Variants in TRAF7 observed in about 807,000 individuals in gnomAD.
TRAF7 encodes TNF receptor associated factor 7.
In TRAF7, 45 loss-of-function variants were observed where a neutral mutation model predicts 89.3. The ratio of observed to expected loss-of-function variants is 0.50; its 90% CI spans 0.40 to 0.65. TRAF7 has a LOEUF of 0.65. TRAF7 is among the 30% of genes least tolerant of loss of function. The pLI, the probability that TRAF7 is intolerant of heterozygous loss-of-function variation, is 0.00. For synonymous variants in TRAF7, 406 were observed against 369.2 expected (o/e 1.10, Z -1.14); for missense variants, 677 against 918.1 (o/e 0.74, Z 3.39).
At chr16:2,167,087 C>T (rs1250020416) in intron 3 of TRAF7, among the ~76,000 whole-genome samples, 2 of 152,152 alleles carry the variant, frequency 1.3e-5, no homozygotes, top group African/African-American at 4.8e-5. Context: ...CTCCAGGGGC[C>T]CTCTTTTTTT....
rs1048529448 is a variant in TRAF7 at position 2,168,733 on chromosome 16, G to A, written c.231+565G>A. On this transcript the variant is annotated intron_variant, in intron 4 of 20. Coordinates refer to ENST00000326181, the MANE Select transcript of TRAF7 (RefSeq NM_032271.3). This position sits in a 1 kb window ranked among gnomAD's most constrained non-coding sequence, Gnocchi z 4.1. ...GCAGAAAGGATCAGGGCAGTCGGGG[G>A]CTGGCTGCTGGTACCTGAGCCCTGT... Among the ~76,000 whole-genome samples the A allele has an allele frequency of 6.6e-6, 1 of 152,140 alleles. No individual in the cohort carries two copies. Among genetic ancestry groups the A allele is most frequent in the African/African-American group, 2.4e-5 (1 of 41,416 alleles).
Position 2,173,395 on chromosome 16 carries a change from GT to G in TRAF7, c.1011del (p.Phe337LeufsTer25). Reference sequence around the variant, plus strand: ...AGCTAGAGAAGAGCCTGGAGCTCAAGTTTGGTGAGGGTGGGCACCGGGGCAG... The same window carrying G: ...AGCTAGAGAAGAGCCTGGAGCTCAAGTTGGTGAGGGTGGGCACCGGGGCAG... ...DQLEKSLELK[F>X]DVLDENQSKL... is the part of the protein sequence containing the mutation. On this transcript the variant is annotated frameshift_variant, in exon 10 of 21. Transcript: ENST00000326181. LOFTEE classifies it high-confidence loss of function. 1 of 1,613,262 alleles carries G rather than the reference GT, an allele frequency of 6.2e-7. No homozygotes were observed. Among genetic ancestry groups the G allele is most frequent in the Non-Finnish European group, 8.5e-7 (1 of 1,179,792 alleles).
intron 14 of TRAF7, among the ~76,000 whole-genome samples, chr16:2,174,578 G>A (rs1262296565): frequency 6.6e-6 from 1 of 152,140 alleles, no homozygotes; most frequent in East Asian, 1.9e-4. Flanking sequence ...GCAGAACCTT[G>A]TCCTGGCCCA....
Position 2,163,674 on chromosome 16 carries a change from C to T in TRAF7, c.-38-209C>T, listed in dbSNP as rs1010380581. On this transcript the variant is annotated intron_variant, in intron 1 of 20. Transcript: ENST00000326181. The surrounding 1 kb of genome is among the most constrained non-coding windows in gnomAD (Gnocchi z 4.3). The stretch of plus-strand genomic sequence containing the variant: ...GCCTTGAGGGACGGTGACGCAGAGC[C>T]GCCTGCCTGCCCGGGCCTCTGCATA... The T allele has an allele frequency of 5.4e-6, 3 of 557,768 alleles. No homozygotes were observed. The African/African-American group carries it at 5.7e-5, about 11-fold the overall frequency. The allele number at this position is 557,768 out of a possible 1,614,324, so 34.6% of individuals were successfully genotyped here.
Position 2,158,770 on chromosome 16 carries a change from G to C in TRAF7, c.-39+2912G>C, listed in dbSNP as rs79965129. On this transcript the variant is annotated intron_variant, in intron 1 of 20. Coordinates refer to ENST00000326181, the MANE Select transcript of TRAF7 (RefSeq NM_032271.3). The surrounding 1 kb of genome is among the most constrained non-coding windows in gnomAD (Gnocchi z 4.7). ...GGGACTGGGAAGCGTGGGCTCGGCG[G>C]GGGGGGGGGGGACACTGCCACCCTT... Among the ~76,000 whole-genome samples the C allele has an allele frequency of 9.5e-5, 12 of 125,822 alleles. No individual in the cohort carries two copies. Among genetic ancestry groups the C allele is most frequent in the African/African-American group, 2.1e-4 (7 of 33,118 alleles). 82.5% of individuals were successfully genotyped at this position (125,822 alleles called of 152,430 possible). A position where few individuals can be genotyped will look rare whatever the true frequency, so the allele number is the denominator to read the frequency against.
In TRAF7 at chr16:2,158,260, G is replaced by A. The variant is rs766714454; in HGVS notation, c.-39+2402G>A. 6.6e-5 allele frequency among the ~76,000 whole-genome samples: 10 copies of A among 151,940 alleles called. No individual in the cohort carries two copies. The highest frequency in any genetic ancestry group is 1.5e-4 in the Non-Finnish European group (10 of 67,946). On this transcript the variant is annotated intron_variant, in intron 1 of 20. Coordinates refer to ENST00000326181, the MANE Select transcript of TRAF7 (RefSeq NM_032271.3). This position sits in a 1 kb window ranked among gnomAD's most constrained non-coding sequence, Gnocchi z 4.7. Reference sequence around the variant, plus strand: ...GTGGATCATGCGGGGGGAACCTGTGGAGAGGGACCCACCAACCCCTTAGTC... The same window carrying A: ...GTGGATCATGCGGGGGGAACCTGTGAAGAGGGACCCACCAACCCCTTAGTC...
At position 2,173,236 on chromosome 16, in the gene TRAF7, C is replaced by G; in HGVS notation, c.849C>G (p.Arg283=). The G allele has an allele frequency of 6.2e-7, 1 of 1,612,976 alleles. No homozygotes were observed. The part of the protein sequence containing the change: ...DTYETHLETC[R]FEGLKEFLQQ... ...ACGAGACCCACCTGGAGACTTGCCG[C>G]TTCGAGGGCCTGAAGGAGTTTCTGC... Residue 283 remains arginine (R), a synonymous_variant, in exon 10 of 21, where the codon CGC becomes CGG. Coordinates refer to ENST00000326181, the MANE Select transcript of TRAF7 (RefSeq NM_032271.3).
Position 2,173,172 on chromosome 16 carries a change from G to A in TRAF7, c.795-10G>A. On this transcript the variant is annotated splice_polypyrimidine_tract_variant and intron_variant, in intron 9 of 20. Coordinates refer to ENST00000326181, the MANE Select transcript of TRAF7 (RefSeq NM_032271.3). ...GACCCGCCAGGCAGGCAGCTGTCCT[G>A]TCCCCGCAGGTGCACGTTCATCGGG... 1.2e-6 allele frequency: 2 copies of A among 1,600,456 alleles called. No homozygotes were observed. Among genetic ancestry groups the A allele is most frequent in the Admixed American group, 1.7e-5 (1 of 58,568 alleles).
rs1342807848 is a variant in TRAF7 at position 2,174,058 on chromosome 16, G to T, written c.1263+10G>T. ...TGACAAGACCATCAAGGTGGGCAGG[G>T]TCCTACCTCAGTCTCTGCAGCCTGG... is the stretch of plus-strand genomic sequence containing the variant. On this transcript the variant is annotated intron_variant, in intron 13 of 20. Coordinates refer to ENST00000326181, the MANE Select transcript of TRAF7 (RefSeq NM_032271.3). 4.3e-6 allele frequency: 7 copies of T among 1,612,442 alleles called. 2 individuals carry two copies. In the South Asian group the frequency reaches 7.7e-5, roughly 18 times the overall value.
At position 2,159,908 on chromosome 16, in the gene TRAF7, TG is replaced by T. The variant is rs1278314605; in HGVS notation, c.-38-3972del. 2.0e-5 allele frequency among the ~76,000 whole-genome samples: 3 copies of T among 152,134 alleles called. No homozygotes were observed. Among genetic ancestry groups the T allele is most frequent in the African/African-American group, 7.2e-5 (3 of 41,420 alleles). On this transcript the variant is annotated intron_variant, in intron 1 of 20. Transcript: ENST00000326181. This position sits in a 1 kb window ranked among gnomAD's most constrained non-coding sequence, Gnocchi z 6.5. Reference sequence around the variant, plus strand: ...CAGGGCCCCCCAGGCTGCTGCCAAGTGGGCGGGGACCCCTGACCCAGACCCC... The same window carrying T: ...CAGGGCCCCCCAGGCTGCTGCCAAGTGGCGGGGACCCCTGACCCAGACCCC...
In TRAF7 at chr16:2,162,925, AC is replaced by A. The variant is rs2093063394; in HGVS notation, c.-38-956del. Among the ~76,000 whole-genome samples, 1 of 151,806 alleles carries A rather than the reference AC, an allele frequency of 6.6e-6. No individual in the cohort carries two copies. Among genetic ancestry groups the A allele is most frequent in the East Asian group, 1.9e-4 (1 of 5,198 alleles). ...AGGCTGCCCAAGTCCTGAAAGTGGG[AC>A]CTGCTCGGGAGGAGGGGCGCCTGCT... On this transcript the variant is annotated intron_variant, in intron 1 of 20. Coordinates refer to ENST00000326181, the MANE Select transcript of TRAF7 (RefSeq NM_032271.3). The surrounding 1 kb of genome is among the most constrained non-coding windows in gnomAD (Gnocchi z 5.0).
At chr16:2,174,365 C>T in intron 14 of TRAF7, 32 bp downstream of exon 14, 2 of 1,606,100 alleles carry the variant, frequency 1.2e-6, no homozygotes, top group Non-Finnish European at 1.7e-6. Context: ...ATCAGTGATT[C>T]CCAGGACAGG....
chr16:2,176,488 CGT>C, intron 20 of TRAF7, 70 bp from the exon 21 acceptor site: 1 of 1,613,046 alleles, frequency 6.2e-7, no homozygotes. Context: ...AGGGCAGGTA[CGT>C]GTGGCAGGTG....
intron 4 of TRAF7, among the ~76,000 whole-genome samples, chr16:2,169,331 C>A (rs79051471): frequency 6.6e-6 from 1 of 152,152 alleles, no homozygotes; most frequent in Non-Finnish European, 1.5e-5. Flanking sequence ...GTGTGCCGGG[C>A]GCTGTGCTAG....
chr16:2,171,094 C>T (rs944969353), intron 5 of TRAF7, among the ~76,000 whole-genome samples, 170 bp from the exon 6 acceptor site: 1 of 152,234 alleles, frequency 6.6e-6, no homozygotes, highest in Admixed American at 6.5e-5. Context: ...AGACCTCGCT[C>T]TCCCTCCTGG....
rs567896863 is a variant in TRAF7, at chr16:2,163,246, T to G, written c.-38-637T>G. 1.1e-4 allele frequency among the ~76,000 whole-genome samples: 17 copies of G among 152,238 alleles called. No homozygotes were observed. The East Asian group carries it at 3.3e-3, about 29-fold the overall frequency. ...CCTGTGGCGTGGCTGGGAGTGTGGG[T>G]GACCTGCACGGGTTCCAGGGGCGGG... On this transcript the variant is annotated intron_variant, in intron 1 of 20. Transcript: ENST00000326181. The surrounding 1 kb of genome is among the most constrained non-coding windows in gnomAD (Gnocchi z 4.3).
chr16:2,176,496 A>G, intron 20 of TRAF7, 64 bp from the exon 21 acceptor site: 1 of 1,612,994 alleles, frequency 6.2e-7, no homozygotes, highest in Non-Finnish European at 8.5e-7. Context: ...TACGTGTGGC[A>G]GGTGTGGCTG....
At chr16:2,170,089 T>TG (rs1435074968) in intron 4 of TRAF7, among the ~76,000 whole-genome samples, 4 of 152,178 alleles carry the variant, frequency 2.6e-5, no homozygotes, top group Non-Finnish European at 4.4e-5. Flanking sequence ...CGAGGTTCTC[T>TG]GGGGGCCTGG....
At position 2,158,581 on chromosome 16, in the gene TRAF7, G is replaced by A. The variant is rs922316584; in HGVS notation, c.-39+2723G>A. 6.6e-6 allele frequency among the ~76,000 whole-genome samples: 1 copy of A among 152,226 alleles called. No homozygotes were observed. Among genetic ancestry groups the A allele is most frequent in the African/African-American group, 2.4e-5 (1 of 41,450 alleles). ...TGCGGTGGCACGCTGGCATGAGGGCGCTGGGTGACTGAGGGGGTCAGTGGT... is the reference window on the plus strand; with the variant it reads ...TGCGGTGGCACGCTGGCATGAGGGCACTGGGTGACTGAGGGGGTCAGTGGT... On this transcript the variant is annotated intron_variant, in intron 1 of 20. Coordinates refer to ENST00000326181, the MANE Select transcript of TRAF7 (RefSeq NM_032271.3). The surrounding 1 kb of genome is among the most constrained non-coding windows in gnomAD (Gnocchi z 4.7).
Sources: gnomAD v4.1 joint callset for allele counts (sites outside exome capture counted in the v4.1 genomes callset) on GRCh38, gnomAD v4.1.1 for gene constraint, Gnocchi (gnomAD v3.1) non-coding constraint, MANE v1.5 for transcripts, NCBI Gene and HGNC (gene_info 2026-07-23, HGNC 2026-07-21) for gene names.